The following KNL1 variants were observed in gnomAD, a reference collection of about 807,000 sequenced individuals.
KNL1 encodes outer kinetochore KNL1 complex subunit KNL1.
In KNL1, 66 loss-of-function variants were observed where a neutral mutation model predicts 201.3. The observed-to-expected ratio is 0.33, with a 90% CI of 0.27 to 0.40. The LOEUF is 0.40. KNL1 is among the 10% of genes least tolerant of loss of function. The pLI is 1.00. For missense variants in KNL1, 2,815 were observed against 2,690.5 expected, an observed-to-expected ratio of 1.05 and a Z score of -1.02; for synonymous variants, 895 against 899.2, an observed-to-expected ratio of 1.00 and a Z score of 0.08.
At position 40,663,595 on chromosome 15, in the gene KNL1, C is replaced by T. The variant is rs895452505; in HGVS notation, c.*1407C>T. On this transcript the variant is annotated 3_prime_UTR_variant, in exon 26 of 26. Transcript: ENST00000399668. ...AATAGTGACACGTCAAACAATGTCA[C>T]ATCCAAAACACTAGTTTCATCAATT... 1 of 191,684 alleles carries T rather than the reference C, an allele frequency of 5.2e-6. No homozygotes were observed. The highest frequency in any genetic ancestry group is 2.3e-5 in the African/African-American group (1 of 43,030). The allele number at this position is 191,684 out of a possible 1,614,324, so 11.9% of individuals were successfully genotyped here. A position where few individuals can be genotyped will look rare whatever the true frequency, so the allele number is the denominator to read the frequency against.
chr15:40,660,257 C>G (rs1347845481), intron 25 of KNL1, among the ~76,000 whole-genome samples: 1 of 152,054 alleles, frequency 6.6e-6, no homozygotes, highest in East Asian at 1.9e-4. Flanking sequence ...GACCACTGGT[C>G]TATTCTTTTG....
intron 8 of KNL1, among the ~76,000 whole-genome samples, chr15:40,617,975 TAAAAAAAAAAAAAAAAAAAA>T (rs71104706): frequency 3.4e-4 from 16 of 47,230 alleles, no homozygotes; most frequent in Admixed American, 1.4e-3. Context: ...AGGCTTTTAG[TAAAAAAAAAAAAAAAAAAAA>T]AAAAAAAAAA....
At chr15:40,629,404 C>G in intron 13 of KNL1, 33 bp downstream of exon 13, 1 of 1,222,792 alleles carries the variant, frequency 8.2e-7, no homozygotes, top group Non-Finnish European at 1.1e-6. Context: ...ATGTTTGCAT[C>G]AAAGCAAACA....
intron 4 of KNL1, among the ~76,000 whole-genome samples, chr15:40,606,783 A>G (rs1891989852): frequency 6.6e-6 from 1 of 152,098 alleles, no homozygotes; most frequent in African/African-American, 2.4e-5. Context: ...TTATTTAGAA[A>G]CAGGGTCTGA....
Position 40,624,938 on chromosome 15 carries a change from A to G in KNL1, c.4674A>G (p.Lys1558=). 1.2e-6 allele frequency: 2 copies of G among 1,613,722 alleles called. No individual in the cohort carries two copies. The highest frequency in any genetic ancestry group is 8.5e-7 in the Non-Finnish European group (1 of 1,179,936). Residue 1558 remains lysine (K), a synonymous_variant, in exon 10 of 26, where the codon AAA becomes AAG. Coordinates refer to ENST00000399668, the MANE Select transcript of KNL1 (RefSeq NM_144508.5). ...ATGTTCCATGTTTTCATAGTATCAA[A>G]CCAAATCTGAATAATTTGAATGGAA... ...TSNVPCFHSI[K]PNLNNLNGKT... is the part of the protein sequence containing the mutation.
In KNL1 at chr15:40,664,317, T is replaced by A. The variant is rs544369518; in HGVS notation, c.*2129T>A. 1 of 172,288 alleles carries A rather than the reference T, an allele frequency of 5.8e-6. No individual in the cohort carries two copies. The highest frequency in any genetic ancestry group is 1.0e-4 in the East Asian group (1 of 9,536). The allele number at this position is 172,288 out of a possible 1,614,324, so 10.7% of individuals were successfully genotyped here. On this transcript the variant is annotated 3_prime_UTR_variant, in exon 26 of 26. Coordinates refer to ENST00000399668, the MANE Select transcript of KNL1 (RefSeq NM_144508.5). ...TTGGAAAGCAGATTACATTTTGCAC[T>A]ATTAAAATAAGTTTATTACTTTAAA...
intron 2 of KNL1, among the ~76,000 whole-genome samples, chr15:40,603,422 CA>C (rs1031671398): frequency 6.6e-6 from 1 of 152,080 alleles, no homozygotes; most frequent in African/African-American, 2.4e-5. Flanking sequence ...TGAACTCATC[CA>C]AAAAGAAGTA....
At chr15:40,632,056 C>G (rs1301292279) in intron 13 of KNL1, among the ~76,000 whole-genome samples, 1 of 148,570 alleles carries the variant, frequency 6.7e-6, no homozygotes, top group East Asian at 2.0e-4. Context: ...TTTGAAAAGA[C>G]AATAAAATAA....
intron 17 of KNL1, 36 bp downstream of exon 17, chr15:40,647,110 T>G: frequency 9.9e-7 from 1 of 1,008,842 alleles, no homozygotes; most frequent in South Asian, 1.3e-5. Flanking sequence ...AAAGAAAATT[T>G]AATTTTATCT....
At position 40,651,176 on chromosome 15, in the gene KNL1, TGTA is replaced by T. The variant is rs571057358; in HGVS notation, c.6213-291_6213-289del. Among the ~76,000 whole-genome samples, 716 of 151,888 alleles carry T rather than the reference TGTA, an allele frequency of 4.7e-3. 2 individuals carry two copies. Among genetic ancestry groups the T allele is most frequent in the Non-Finnish European group, 6.1e-3 (413 of 67,980 alleles). On this transcript the variant is annotated intron_variant, in intron 19 of 25. Transcript: ENST00000399668. Reference sequence around the variant, plus strand: ...TTTTGCTTTTTATCAAAAATAAAAATGTAGTATTTAAAAGTTATCTTAACATGT... The same window carrying T: ...TTTTGCTTTTTATCAAAAATAAAAATGTATTTAAAAGTTATCTTAACATGT...
At position 40,622,942 on chromosome 15, in the gene KNL1, G is replaced by A; in HGVS notation, c.2678G>A (p.Cys893Tyr). The A allele has an allele frequency of 6.2e-7, 1 of 1,613,472 alleles. No individual in the cohort carries two copies. The highest frequency in any genetic ancestry group is 8.5e-7 in the Non-Finnish European group (1 of 1,179,716). Residue 893 changes from cysteine to tyrosine, a missense_variant, in exon 10 of 26, where the codon TGT becomes TAT. By Grantham distance (194) the Cys-to-Tyr change is radical. This residue lies in a region of KNL1 where 2,464 missense variants were observed against 2,291.7 expected (regional missense o/e 1.08). Transcript: ENST00000399668. ...AGACCTTTATTAGAGAAACGTGATT[G>A]TCATTTGGTGCCATTGGCAGGAACT... Reference protein sequence around the residue: ...NHRPLLEKRDCHLVPLAGTSE... With the variant: ...NHRPLLEKRDYHLVPLAGTSE...
chr15:40,613,944 C>T (rs1892256748), intron 7 of KNL1, among the ~76,000 whole-genome samples: 2 of 151,798 alleles, frequency 1.3e-5, no homozygotes, highest in South Asian at 2.1e-4. Flanking sequence ...ACTACAGGCG[C>T]CTGCCACCAC....
chr15:40,622,736 T>C lies in KNL1; in HGVS notation c.2472T>C (p.Ile824=), dbSNP rs1449167579. The C allele has an allele frequency of 1.9e-6, 3 of 1,601,112 alleles. No homozygotes were observed. The African/African-American group carries it at 4.1e-5, about 22-fold the overall frequency. The change falls in exon 10 of 26, where the codon ATT becomes ATC. Residue 824 remains isoleucine, a synonymous_variant. Coordinates refer to ENST00000399668, the MANE Select transcript of KNL1 (RefSeq NM_144508.5). ...EKSGVLKSNC[I]MDVLEDESVQ... ...GTGGAGTGCTTAAATCTAACTGTAT[T>C]ATGGATGTGTTAGAGGACGAAAGTG... is the stretch of plus-strand genomic sequence containing the variant.
Position 40,621,466 on chromosome 15 carries a change from C to G in KNL1, c.1202C>G (p.Thr401Ser). 1 of 1,613,846 alleles carries G rather than the reference C, an allele frequency of 6.2e-7. No individual in the cohort carries two copies. The highest frequency in any genetic ancestry group is 1.1e-5 in the South Asian group (1 of 91,076). The change falls in exon 10 of 26, where the codon ACT (threonine) becomes AGT (serine). Residue 401 changes from threonine to serine, a missense_variant. Around this residue, in one of 3 missense-constraint regions of KNL1, gnomAD observed 2,464 missense variants for 2,291.7 expected, o/e 1.08. Coordinates refer to ENST00000399668, the MANE Select transcript of KNL1 (RefSeq NM_144508.5). Reference protein sequence around the residue: ...MGAETHIVSQTCNQDARILAM... With the variant: ...MGAETHIVSQSCNQDARILAM... ...GCAGAAACTCACATAGTCTCACAGA[C>G]TTGTAATCAGGATGCCAGAATATTA...
At position 40,645,841 on chromosome 15, in the gene KNL1, A is replaced by T. The variant is rs114624916; in HGVS notation, c.6006+69A>T. On this transcript the variant is annotated intron_variant, in intron 16 of 25. Transcript: ENST00000399668. ...AATTACTTTCTAATGGTTATAGAAT[A>T]TGAAGAATCTTCCTTAGAAGACATG... is the stretch of plus-strand genomic sequence containing the variant. 828 of 802,716 alleles carry T rather than the reference A, an allele frequency of 1.0e-3. 10 individuals carry two copies. In the African/African-American group the frequency reaches 0.013, roughly 13 times the overall value. 49.7% of individuals were successfully genotyped at this position (802,716 alleles called of 1,614,324 possible). A position where few individuals can be genotyped will look rare whatever the true frequency, so the allele number is the denominator to read the frequency against.
At chr15:40,595,107 G>GTT (rs1891585478) in intron 1 of KNL1, among the ~76,000 whole-genome samples, 2 of 152,192 alleles carry the variant, frequency 1.3e-5, no homozygotes, top group Non-Finnish European at 2.9e-5. Context: ...AAAGGATGTG[G>GTT]ATGAAGACCA....
At position 40,646,322 on chromosome 15, in the gene KNL1, A is replaced by G. The variant is rs1595942254; in HGVS notation, c.6006+550A>G. Among the ~76,000 whole-genome samples, 3 of 152,152 alleles carry G rather than the reference A, an allele frequency of 2.0e-5. No individual in the cohort carries two copies. The South Asian group carries it at 6.2e-4, about 31-fold the overall frequency. On this transcript the variant is annotated intron_variant, in intron 16 of 25. Transcript: ENST00000399668. ...GTTTATCATAGAAATGTTTTTAAGT[A>G]ATAAATATTAATATATTGTATTCCA...
Position 40,664,060 on chromosome 15 carries a change from C to T in KNL1, c.*1872C>T, listed in dbSNP as rs994181783. 5.4e-6 allele frequency: 1 copy of T among 184,556 alleles called. No homozygotes were observed. The highest frequency in any genetic ancestry group is 1.1e-5 in the Non-Finnish European group (1 of 87,048). The allele number at this position is 184,556 out of a possible 1,614,324, so 11.4% of individuals were successfully genotyped here. ...CTGTTTCCCATGAAACTTAAGTTAG[C>T]TTTCTTATTGGAGTTATTTCTTTTC... On this transcript the variant is annotated 3_prime_UTR_variant, in exon 26 of 26. Transcript: ENST00000399668.
intron 24 of KNL1, 109 bp downstream of exon 24, chr15:40,657,582 T>A (rs147180317): frequency 2.8e-5 from 18 of 637,522 alleles, no homozygotes; most frequent in African/African-American, 2.7e-4. Context: ...CGGGTGTTAT[T>A]CTTTCTGAGG....
Sources: allele counts gnomAD v4.1 joint callset (sites outside exome capture counted in the v4.1 genomes callset), GRCh38; gene constraint gnomAD v4.1.1; regional missense constraint gnomAD v4.1.1; transcripts MANE v1.5; gene names NCBI Gene and HGNC (gene_info 2026-07-23, HGNC 2026-07-21).